DTX1: variants seen among roughly 807,000 people sequenced by gnomAD.
DTX1 encodes the protein E3 ubiquitin-protein ligase DTX1.
A neutral mutation model predicts 57.8 loss-of-function variants in DTX1; 26 were observed. The ratio of observed to expected loss-of-function variants is 0.45; its 90% CI spans 0.33 to 0.62. DTX1 has a LOEUF of 0.62. Among genes scored for constraint, DTX1 ranks in the 20% least tolerant of loss-of-function variants. The pLI, the probability that DTX1 is intolerant of heterozygous loss-of-function variation, is 0.02. For synonymous variants in DTX1, 398 were observed against 394.1 expected, an observed-to-expected ratio of 1.01 and a Z score of -0.12; for missense variants, 704 against 895.3, an observed-to-expected ratio of 0.79 and a Z score of 2.73.
chr12:113,058,274 T>C lies in DTX1; in HGVS notation c.82T>C (p.Trp28Arg). Residue 28 changes from tryptophan (W) to arginine (R), a missense_variant, in exon 2 of 10, where the codon TGG becomes CGG. Coordinates refer to ENST00000548759, the MANE Select transcript of DTX1 (RefSeq NM_004416.3). ...PPQNVARVVV[W>R]EWLNEHSRWR... The stretch of plus-strand genomic sequence containing the variant: ...GCAGAACGTGGCCCGGGTGGTGGTG[T>C]GGGAGTGGCTGAATGAGCACAGCCG... 6.2e-7 allele frequency: 1 copy of C among 1,613,156 alleles called. No individual in the cohort carries two copies. Among genetic ancestry groups the C allele is most frequent in the Non-Finnish European group, 8.5e-7 (1 of 1,179,918 alleles).
Position 113,097,735 on chromosome 12 carries a change from C to T in DTX1, c.*796C>T, listed in dbSNP as rs1455593629. 6.6e-6 allele frequency: 1 copy of T among 152,490 alleles called. No homozygotes were observed. The highest frequency in any genetic ancestry group is 1.5e-5 in the Non-Finnish European group (1 of 68,070). The allele number at this position is 152,490 out of a possible 1,614,324, so 9.4% of individuals were successfully genotyped here. On this transcript the variant is annotated 3_prime_UTR_variant, in exon 10 of 10. Coordinates refer to ENST00000548759, the MANE Select transcript of DTX1 (RefSeq NM_004416.3). ...CGCTCCCAATTTTGAGAGCCAAAGGCTGGCGCTTCTGACTTCAGGAGCGAA... is the reference window on the plus strand; with the variant it reads ...CGCTCCCAATTTTGAGAGCCAAAGGTTGGCGCTTCTGACTTCAGGAGCGAA...
chr12:113,058,128 T>C lies in DTX1; in HGVS notation c.-65T>C, dbSNP rs2044641559. 6 of 1,490,278 alleles carry C rather than the reference T, an allele frequency of 4.0e-6. No individual in the cohort carries two copies. The highest frequency in any genetic ancestry group is 4.5e-6 in the Non-Finnish European group (5 of 1,121,322). The allele number at this position is 1,490,278 out of a possible 1,614,324, so 92.3% of individuals were successfully genotyped here. ...GGGGAGAGAGGAAGTTGCCGCCTGC[T>C]GCCAGGCCCAGGAGGAGCTGGGCCT... On this transcript the variant is annotated 5_prime_UTR_variant, in exon 2 of 10. Coordinates refer to ENST00000548759, the MANE Select transcript of DTX1 (RefSeq NM_004416.3).
rs192109884 is a variant in DTX1, at chr12:113,082,626, G to A, written c.941+4521G>A. ...TTTTTGTTTTTAGAGACAGAGCCTC[G>A]CTCTTATTGCCCAGGCTGGAGTACA... On this transcript the variant is annotated intron_variant, in intron 3 of 9. Coordinates refer to ENST00000548759, the MANE Select transcript of DTX1 (RefSeq NM_004416.3). Among the ~76,000 whole-genome samples the A allele has an allele frequency of 3.0e-4, 45 of 152,170 alleles. No individual in the cohort carries two copies. In the East Asian group the frequency reaches 6.8e-3, roughly 23 times the overall value.
intron 2 of DTX1, among the ~76,000 whole-genome samples, chr12:113,064,744 T>C (rs2044692156): frequency 6.6e-6 from 1 of 152,184 alleles, no homozygotes; most frequent in Admixed American, 6.5e-5. Flanking sequence ...ATGAGATATG[T>C]AGATAAAAGC....
In DTX1 at chr12:113,096,697, G is replaced by C. The variant is rs1157970226; in HGVS notation, c.1639-18G>C. The C allele has an allele frequency of 2.5e-6, 4 of 1,602,186 alleles. No homozygotes were observed. Among genetic ancestry groups the C allele is most frequent in the South Asian group, 1.1e-5 (1 of 89,554 alleles). On this transcript the variant is annotated intron_variant, in intron 9 of 9. Transcript: ENST00000548759. ...CCTGTGACCTCCTCCCGGCCCCACT[G>C]TGTCCCTGTCCCCCCAGGTGCTGCG...
At chr12:113,059,592 C>T (rs1211900092) in intron 2 of DTX1, among the ~76,000 whole-genome samples, 1 of 152,064 alleles carries the variant, frequency 6.6e-6, no homozygotes, top group Non-Finnish European at 1.5e-5. Flanking sequence ...CTGTGACAAG[C>T]TCCATGGGCA....
At position 113,095,170 on chromosome 12, in the gene DTX1, C is replaced by A. The variant is rs761115928; in HGVS notation, c.1515C>A (p.Ile505=). The A allele has an allele frequency of 2.5e-6, 4 of 1,612,336 alleles. No homozygotes were observed. Among genetic ancestry groups the A allele is most frequent in the Non-Finnish European group, 2.5e-6 (3 of 1,178,610 alleles). The change falls in exon 8 of 10, where the codon ATC becomes ATA. Residue 505 remains isoleucine (I), a synonymous_variant. Transcript: ENST00000548759. The part of the protein sequence containing the change: ...SLPGFPDTQT[I]RIVYDIPTGI... Reference sequence around the variant, plus strand: ...CCGGCTTCCCTGATACCCAGACCATCCGCATCGTCTATGACATCCCCACAG... The same window carrying A: ...CCGGCTTCCCTGATACCCAGACCATACGCATCGTCTATGACATCCCCACAG...
chr12:113,085,996 TGTGGCTC>T (rs2044854015), intron 3 of DTX1, among the ~76,000 whole-genome samples: 1 of 152,184 alleles, frequency 6.6e-6, no homozygotes, highest in Admixed American at 6.5e-5. Context: ...GTCCAGGCAC[TGTGGCTC>T]ACACCTGTAA....
Position 113,057,974 on chromosome 12 carries a change from G to C in DTX1, c.-219G>C, listed in dbSNP as rs978677074. ...CTTTCCAGGGCAGCACCCTTTATCGGAGAAGGCTCTACAGGGAAGGGGTCT... is the reference window on the plus strand; with the variant it reads ...CTTTCCAGGGCAGCACCCTTTATCGCAGAAGGCTCTACAGGGAAGGGGTCT... On this transcript the variant is annotated 5_prime_UTR_variant, in exon 2 of 10. Coordinates refer to ENST00000548759, the MANE Select transcript of DTX1 (RefSeq NM_004416.3). The C allele has an allele frequency of 1.3e-5, 9 of 682,072 alleles. No homozygotes were observed. The Admixed American group carries it at 2.5e-4, about 19-fold the overall frequency. 42.3% of individuals were successfully genotyped at this position (682,072 alleles called of 1,614,324 possible). A position where few individuals can be genotyped will look rare whatever the true frequency, so the allele number is the denominator to read the frequency against.
At chr12:113,083,574 C>T in intron 3 of DTX1, among the ~76,000 whole-genome samples, 1 of 152,254 alleles carries the variant, frequency 6.6e-6, no homozygotes, top group Non-Finnish European at 1.5e-5. Flanking sequence ...GATCCACCCA[C>T]CTCGGCCTCC....
chr12:113,093,981 A>C lies in DTX1; in HGVS notation c.1166-57A>C, dbSNP rs1950266109. The C allele has an allele frequency of 6.4e-7, 1 of 1,554,808 alleles. No homozygotes were observed. The highest frequency in any genetic ancestry group is 1.2e-5 in the South Asian group (1 of 84,412). ...CTGACCCCTGACCCAGTTCTGAGCC[A>C]AGCCTTCGGGGACAGACTCTGGGTA... On this transcript the variant is annotated intron_variant, in intron 5 of 9. Coordinates refer to ENST00000548759, the MANE Select transcript of DTX1 (RefSeq NM_004416.3). This position sits in a 1 kb window ranked among gnomAD's most constrained non-coding sequence, Gnocchi z 4.2.
At position 113,096,891 on chromosome 12, in the gene DTX1, G is replaced by A; in HGVS notation, c.1815G>A (p.Leu605=). 3.1e-6 allele frequency: 5 copies of A among 1,613,342 alleles called. No individual in the cohort carries two copies. The highest frequency in any genetic ancestry group is 4.2e-6 in the Non-Finnish European group (5 of 1,180,026). Residue 605 remains leucine, a synonymous_variant, in exon 10 of 10, where the codon CTG becomes CTA. Coordinates refer to ENST00000548759, the MANE Select transcript of DTX1 (RefSeq NM_004416.3). The part of the protein sequence containing the change: ...YPDASYLDNV[L]AELTAQGVSE... ...ACGCTAGCTACCTAGACAACGTGCT[G>A]GCTGAGCTCACAGCCCAGGGCGTAT...
At chr12:113,064,054 G>A (rs1177619928) in intron 2 of DTX1, among the ~76,000 whole-genome samples, 1 of 152,144 alleles carries the variant, frequency 6.6e-6, no homozygotes, top group Admixed American at 6.5e-5. Context: ...CCTTGAGAGC[G>A]CTCTTGGGGC....
At chr12:113,085,368 A>G (rs1396235033) in intron 3 of DTX1, among the ~76,000 whole-genome samples, 2 of 152,062 alleles carry the variant, frequency 1.3e-5, no homozygotes, top group Non-Finnish European at 2.9e-5. Flanking sequence ...TCCCATTTTA[A>G]ATCCACCCTT....
chr12:113,069,240 C>T (rs1259617956), intron 2 of DTX1, among the ~76,000 whole-genome samples: 2 of 152,120 alleles, frequency 1.3e-5, no homozygotes, highest in South Asian at 2.1e-4. Context: ...AGCCCTCTGT[C>T]CCCTCCCCCT....
Position 113,058,341 on chromosome 12 carries a change from A to C in DTX1, c.149A>C (p.Asn50Thr). The C allele has an allele frequency of 6.2e-7, 1 of 1,613,614 alleles. No individual in the cohort carries two copies. The highest frequency in any genetic ancestry group is 8.5e-7 in the Non-Finnish European group (1 of 1,180,028). Residue 50 changes from asparagine to threonine, a missense_variant, in exon 2 of 10, where the codon AAC becomes ACC. Coordinates refer to ENST00000548759, the MANE Select transcript of DTX1 (RefSeq NM_004416.3). ...GCCACCGTGTGCCACCACATTGAGA[A>C]CGTGCTGAAGGAGGACGCTCGCGGT... is the stretch of plus-strand genomic sequence containing the variant. ...YTATVCHHIE[N>T]VLKEDARGSV...
Position 113,058,260 on chromosome 12 carries a change from C to T in DTX1, c.68C>T (p.Ala23Val). The change falls in exon 2 of 10, where the codon GCC (alanine) becomes GTC (valine). Residue 23 changes from alanine (A) to valine (V), a missense_variant. Physicochemically the swap from Ala to Val is moderately conservative, Grantham distance 64 (BLOSUM62 0). Coordinates refer to ENST00000548759, the MANE Select transcript of DTX1 (RefSeq NM_004416.3). ...CTGGGCTTCCCACCGCAGAACGTGG[C>T]CCGGGTGGTGGTGTGGGAGTGGCTG... ...NGLGFPPQNV[A>V]RVVVWEWLNE... 1 of 1,613,676 alleles carries T rather than the reference C, an allele frequency of 6.2e-7. No homozygotes were observed. Among genetic ancestry groups the T allele is most frequent in the Non-Finnish European group, 8.5e-7 (1 of 1,179,980 alleles).
chr12:113,057,146 C>G, intron 1 of DTX1, among the ~76,000 whole-genome samples: 1 of 152,100 alleles, frequency 6.6e-6, no homozygotes, highest in African/African-American at 2.4e-5. Flanking sequence ...CATCCCCGTG[C>G]TTCCCGGCGC....
intron 3 of DTX1, among the ~76,000 whole-genome samples, chr12:113,081,540 C>T (rs898812001): frequency 3.3e-5 from 5 of 152,062 alleles, no homozygotes; most frequent in African/African-American, 9.7e-5. Flanking sequence ...TAAATGAAGA[C>T]GATCTCTGGA....
Sources: allele counts gnomAD v4.1 joint callset (sites outside exome capture counted in the v4.1 genomes callset), GRCh38; gene constraint gnomAD v4.1.1; non-coding constraint Gnocchi (gnomAD v3.1); transcripts MANE v1.5; gene names NCBI Gene and HGNC (gene_info 2026-07-23, HGNC 2026-07-21).